ATP8A1: variants seen among roughly 807,000 people sequenced by gnomAD.
ATP8A1 encodes the protein phospholipid-transporting ATPase IA.
Under a neutral mutation model 177.7 loss-of-function variants are expected in ATP8A1, and 90 were observed. The observed-to-expected ratio is 0.51, with a 90% CI of 0.43 to 0.60. ATP8A1 has a LOEUF of 0.60. Ranked by LOEUF, ATP8A1 falls within the 20% of genes least tolerant of loss-of-function variation. The pLI is 0.00. For synonymous variants in ATP8A1, 493 were observed against 485.9 expected (o/e 1.01, Z -0.19); for missense variants, 1,072 against 1,392.8 (o/e 0.77, Z 3.67).
chr4:42,624,427 T>A, intron 4 of ATP8A1, 109 bp downstream of exon 4: 1 of 548,678 alleles, frequency 1.8e-6, no homozygotes, highest in South Asian at 4.0e-5. Context: ...GTTGAATGGA[T>A]ATTTTAAACA....
In ATP8A1 at chr4:42,575,697, A is replaced by C. The variant is rs1310873193; in HGVS notation, c.1131T>G (p.Asp377Glu). The change falls in exon 13 of 37, where the codon GAT (aspartate) becomes GAG (glutamate). Residue 377 changes from aspartate (D) to glutamate (E), a missense_variant and splice_region_variant. This residue lies in a region of ATP8A1 where 388 missense variants were observed against 471.7 expected (regional missense o/e 0.82). Transcript: ENST00000381668. Reference sequence around the variant, plus strand: ...CTGTGGGTTCATAGTGCATGTCAAGATCCTTTAATAAAATTAAGTAAATCA... The same window carrying C: ...CTGTGGGTTCATAGTGCATGTCAAGCTCCTTTAATAAAATTAAGTAAATCA... ...KFTQAYFINW[D>E]LDMHYEPTDT... 6.2e-7 allele frequency: 1 copy of C among 1,612,256 alleles called. No individual in the cohort carries two copies.
At chr4:42,590,230 A>G in intron 7 of ATP8A1, among the ~76,000 whole-genome samples, 1 of 152,214 alleles carries the variant, frequency 6.6e-6, no homozygotes, top group East Asian at 1.9e-4. Context: ...GCACTTTGTC[A>G]CTAGATACAA....
chr4:42,515,929 CTTCTT>C (rs570826635), intron 22 of ATP8A1, among the ~76,000 whole-genome samples: 2 of 152,172 alleles, frequency 1.3e-5, no homozygotes, highest in Admixed American at 6.6e-5. Flanking sequence ...AAATTATTGG[CTTCTT>C]TTCTAACATA....
chr4:42,507,780 TAAAAAAAAAAAAAAAA>T lies in ATP8A1; in HGVS notation c.1948-642_1948-627del. Among the ~76,000 whole-genome samples the T allele has an allele frequency of 6.7e-3, 119 of 17,704 alleles. 1 individual carries two copies. The highest frequency in any genetic ancestry group is 0.022 in the African/African-American group (116 of 5,294). 11.6% of individuals were successfully genotyped at this position (17,704 alleles called of 152,430 possible). A position where few individuals can be genotyped will look rare whatever the true frequency, so the allele number is the denominator to read the frequency against. On this transcript the variant is annotated intron_variant, in intron 22 of 36. Transcript: ENST00000381668. ...AGTCAGTTAAAAAGGACAGGCATTC[TAAAAAAAAAAAAAAAA>T]AAAAAAAAAAAAACATACAAACAGC... is the stretch of plus-strand genomic sequence containing the variant.
chr4:42,434,263 T>C (rs1416891205), intron 33 of ATP8A1, among the ~76,000 whole-genome samples: 1 of 152,192 alleles, frequency 6.6e-6, no homozygotes, highest in Non-Finnish European at 1.5e-5. Flanking sequence ...GGGTATGATA[T>C]CTCAGTGTTC....
chr4:42,644,821 T>C (rs143580898), intron 1 of ATP8A1, among the ~76,000 whole-genome samples: 5 of 151,976 alleles, frequency 3.3e-5, no homozygotes, highest in African/African-American at 9.6e-5. Context: ...TACGTTAACC[T>C]ATAAAAGATT....
chr4:42,454,071 T>C (rs1443697793), intron 29 of ATP8A1, among the ~76,000 whole-genome samples: 1 of 152,214 alleles, frequency 6.6e-6, no homozygotes, highest in Non-Finnish European at 1.5e-5. Context: ...AAAATACTTT[T>C]CAGAACCAAT....
intron 8 of ATP8A1, among the ~76,000 whole-genome samples, chr4:42,587,963 G>A (rs1362860418): frequency 6.6e-6 from 1 of 152,144 alleles, no homozygotes; most frequent in Non-Finnish European, 1.5e-5. Context: ...CAGGTGAATA[G>A]GAAGAAGTTA....
At chr4:42,610,324 T>C (rs916672011) in intron 5 of ATP8A1, among the ~76,000 whole-genome samples, 2 of 152,120 alleles carry the variant, frequency 1.3e-5, no homozygotes, top group Non-Finnish European at 2.9e-5. Flanking sequence ...ATAACAAATG[T>C]TCTAACTTTG....
intron 4 of ATP8A1, among the ~76,000 whole-genome samples, chr4:42,623,665 GA>G (rs1737732844): frequency 6.6e-6 from 1 of 152,118 alleles, no homozygotes; most frequent in Non-Finnish European, 1.5e-5. Context: ...CACGGACACA[GA>G]GGGGAACACC....
At chr4:42,491,332 A>C (rs990265208) in intron 24 of ATP8A1, among the ~76,000 whole-genome samples, 1 of 152,350 alleles carries the variant, frequency 6.6e-6, no homozygotes. Flanking sequence ...TAATGAGGCC[A>C]AGTAGAATTC....
intron 25 of ATP8A1, among the ~76,000 whole-genome samples, chr4:42,473,343 C>T (rs1305364520): frequency 2.6e-5 from 4 of 152,142 alleles, no homozygotes; most frequent in Non-Finnish European, 5.9e-5. Flanking sequence ...AGTAGTCCCT[C>T]TCTGTACACC....
chr4:42,532,830 C>G (rs967714344), intron 20 of ATP8A1, among the ~76,000 whole-genome samples: 1 of 152,216 alleles, frequency 6.6e-6, no homozygotes, highest in African/African-American at 2.4e-5. Flanking sequence ...TGACATTCCA[C>G]TATTGTGATT....
intron 20 of ATP8A1, among the ~76,000 whole-genome samples, chr4:42,531,958 C>T (rs1297547546): frequency 6.6e-6 from 1 of 151,936 alleles, no homozygotes; most frequent in East Asian, 1.9e-4. Flanking sequence ...AAAAGTTAGC[C>T]AGGTGTGGTG....
At chr4:42,606,306 C>A (rs1481329833) in intron 5 of ATP8A1, among the ~76,000 whole-genome samples, 1 of 152,180 alleles carries the variant, frequency 6.6e-6, no homozygotes, top group Non-Finnish European at 1.5e-5. Flanking sequence ...ACAGGCATGG[C>A]TCCCCAGGAT....
chr4:42,464,186 T>G (rs6855129), intron 27 of ATP8A1, among the ~76,000 whole-genome samples: 1 of 151,834 alleles, frequency 6.6e-6, no homozygotes, highest in Non-Finnish European at 1.5e-5. Context: ...CTCATTAGCA[T>G]CTCTAATTCA....
intron 1 of ATP8A1, among the ~76,000 whole-genome samples, chr4:42,629,219 T>G (rs1738458413): frequency 6.6e-6 from 1 of 152,146 alleles, no homozygotes; most frequent in Non-Finnish European, 1.5e-5. Context: ...GGGCCCAACC[T>G]AGGTCAGATA....
At chr4:42,473,631 A>G (rs71610020) in intron 25 of ATP8A1, among the ~76,000 whole-genome samples, 1 of 150,836 alleles carries the variant, frequency 6.6e-6, no homozygotes, top group Non-Finnish European at 1.5e-5. Flanking sequence ...AAGTTTTTTT[A>G]TTTATTTAAT....
intron 29 of ATP8A1, among the ~76,000 whole-genome samples, chr4:42,453,329 T>TA (rs1383985598): frequency 1.3e-5 from 2 of 152,166 alleles, no homozygotes; most frequent in Non-Finnish European, 2.9e-5. Context: ...TTCAAACACT[T>TA]ATATGAGATT....
Sources: allele counts gnomAD v4.1 joint callset (sites outside exome capture counted in the v4.1 genomes callset), GRCh38; gene constraint gnomAD v4.1.1; regional missense constraint gnomAD v4.1.1; transcripts MANE v1.5; gene names NCBI Gene and HGNC (gene_info 2026-07-23, HGNC 2026-07-21).